The following ROBO2 variants were observed in gnomAD, a reference collection of about 807,000 sequenced individuals.
ROBO2 encodes roundabout guidance receptor 2.
Under a neutral mutation model 160.8 loss-of-function variants are expected in ROBO2, and 53 were observed. That is an observed-to-expected ratio of 0.33 (90% CI 0.26 to 0.41). ROBO2 has a LOEUF of 0.41. Ranked by LOEUF, ROBO2 falls within the 10% of genes least tolerant of loss-of-function variation. ROBO2 has a pLI of 1.00. For missense variants in ROBO2, 1,577 were observed against 1,722.4 expected, an observed-to-expected ratio of 0.92 and a Z score of 1.49; for synonymous variants, 664 against 611.7, an observed-to-expected ratio of 1.09 and a Z score of -1.26.
intron 2 of ROBO2, among the ~76,000 whole-genome samples, chr3:77,346,417 C>A (rs780238365): frequency 2.0e-5 from 3 of 152,118 alleles, no homozygotes; most frequent in Admixed American, 6.6e-5. Flanking sequence ...TCTACTCTTA[C>A]AACTATTTTA....
chr3:76,729,872 A>G (rs1405226954), intron 2 of ROBO2, among the ~76,000 whole-genome samples: 2 of 152,074 alleles, frequency 1.3e-5, no homozygotes, highest in Non-Finnish European at 2.9e-5. Flanking sequence ...TCCTGACCTC[A>G]GGTGATCCAC....
In ROBO2 at chr3:76,319,749, C is replaced by CT. The variant is rs959996630; in HGVS notation, c.109+382157dup. Among the ~76,000 whole-genome samples, 355 of 142,538 alleles carry CT rather than the reference C, an allele frequency of 2.5e-3. 1 individual carries two copies. The highest frequency in any genetic ancestry group is 7.0e-3 in the African/African-American group (272 of 39,030). 93.5% of individuals were successfully genotyped at this position (142,538 alleles called of 152,430 possible). A position where few individuals can be genotyped will look rare whatever the true frequency, so the allele number is the denominator to read the frequency against. Reference sequence around the variant, plus strand: ...TATTTATATTTTTTTCCCATTTGTGCTTTTTTTTTTAATGAGAGAATGGCT... The same window carrying CT: ...TATTTATATTTTTTTCCCATTTGTGCTTTTTTTTTTTAATGAGAGAATGGCT... On this transcript the variant is annotated intron_variant, in intron 2 of 26. Transcript: ENST00000487694.
intron 2 of ROBO2, among the ~76,000 whole-genome samples, chr3:76,950,633 T>C (rs772506831): frequency 4.6e-5 from 7 of 152,144 alleles, no homozygotes; most frequent in African/African-American, 1.7e-4. Flanking sequence ...GGATCACACT[T>C]TGAGTAAAAA....
chr3:76,783,055 A>C (rs937409950), intron 2 of ROBO2, among the ~76,000 whole-genome samples: 2 of 150,306 alleles, frequency 1.3e-5, no homozygotes, highest in Non-Finnish European at 1.5e-5. Context: ...CATATGTTTT[A>C]CCTTTGTGAT....
intron 4 of ROBO2, among the ~76,000 whole-genome samples, chr3:77,485,288 T>C (rs2085211461): frequency 2.0e-5 from 3 of 152,122 alleles, no homozygotes; most frequent in Non-Finnish European, 4.4e-5. Flanking sequence ...AATTATACTT[T>C]AGTTAGGGAA....
rs375007771 is a variant in ROBO2, at chr3:77,380,538, GA to G, written c.389-96875del. ...TCAATGAGTAACAATTAAAAGACGG[GA>G]TTTTTTTTAGAATTCAAAAATTAAT... On this transcript the variant is annotated intron_variant, in intron 2 of 25. Transcript: ENST00000461745. Among the ~76,000 whole-genome samples, 544 of 152,220 alleles carry G rather than the reference GA, an allele frequency of 3.6e-3. 2 individuals are homozygous for G. The highest frequency in any genetic ancestry group is 6.0e-3 in the Non-Finnish European group (408 of 68,010).
chr3:76,621,362 G>C (rs2089066353), intron 2 of ROBO2, among the ~76,000 whole-genome samples: 1 of 152,178 alleles, frequency 6.6e-6, no homozygotes, highest in Admixed American at 6.5e-5. Context: ...TATACATTCA[G>C]TGCATAACTG....
chr3:77,559,342 A>G (rs1017849713), intron 9 of ROBO2, among the ~76,000 whole-genome samples: 1 of 152,124 alleles, frequency 6.6e-6, no homozygotes, highest in Non-Finnish European at 1.5e-5. Flanking sequence ...CTATCAGTAC[A>G]TTCAACTCAT....
intron 2 of ROBO2, among the ~76,000 whole-genome samples, chr3:77,202,151 C>T (rs112047533): frequency 1.3e-5 from 2 of 152,044 alleles, no homozygotes; most frequent in Admixed American, 6.5e-5. Context: ...ATAGTATCAA[C>T]GATCAGAGGG....
chr3:76,806,358 G>A (rs1396392653), intron 2 of ROBO2, among the ~76,000 whole-genome samples: 1 of 151,742 alleles, frequency 6.6e-6, no homozygotes, highest in Non-Finnish European at 1.5e-5. Flanking sequence ...TTATTGCACT[G>A]TTACTCAAAA....
At chr3:75,937,245 A>T (rs534809454) in intron 1 of ROBO2, among the ~76,000 whole-genome samples, 38 of 152,256 alleles carry the variant, frequency 2.5e-4, no homozygotes, top group Middle Eastern at 3.4e-3. Flanking sequence ...TTGGAAAATG[A>T]TATTAAAAAT....
chr3:77,585,830 CTTCTT>C (rs1234956016), intron 16 of ROBO2, among the ~76,000 whole-genome samples: 1 of 152,070 alleles, frequency 6.6e-6, no homozygotes, highest in Non-Finnish European at 1.5e-5. Flanking sequence ...GATGGCTAAT[CTTCTT>C]TTCTGTTTCA....
At chr3:76,397,609 A>G (rs1457190347) in intron 2 of ROBO2, among the ~76,000 whole-genome samples, 1 of 151,734 alleles carries the variant, frequency 6.6e-6, no homozygotes, top group Non-Finnish European at 1.5e-5. Context: ...ATCTACAATG[A>G]ACTCAAACAA....
intron 2 of ROBO2, among the ~76,000 whole-genome samples, chr3:76,457,379 C>A (rs920280840): frequency 6.6e-6 from 1 of 152,216 alleles, no homozygotes; most frequent in Non-Finnish European, 1.5e-5. Flanking sequence ...CCAAAAGGAT[C>A]TCTTTTGACT....
At chr3:76,412,176 C>G (rs1367810603) in intron 2 of ROBO2, among the ~76,000 whole-genome samples, 1 of 152,120 alleles carries the variant, frequency 6.6e-6, no homozygotes, top group Non-Finnish European at 1.5e-5. Flanking sequence ...GATTTATTGA[C>G]TATCACCAGA....
intron 2 of ROBO2, among the ~76,000 whole-genome samples, chr3:77,223,123 G>C (rs1475795109): frequency 6.6e-6 from 1 of 152,102 alleles, no homozygotes; most frequent in African/African-American, 2.4e-5. Flanking sequence ...TTAAAGTTTA[G>C]CTGAAATCTA....
chr3:75,986,453 T>C (rs1450323179), intron 2 of ROBO2, among the ~76,000 whole-genome samples: 5 of 151,620 alleles, frequency 3.3e-5, no homozygotes, highest in Non-Finnish European at 1.5e-5. Flanking sequence ...TCTCAGTCCC[T>C]TGTCAAACAT....
At chr3:76,531,236 T>C (rs1214770298) in intron 2 of ROBO2, among the ~76,000 whole-genome samples, 1 of 152,192 alleles carries the variant, frequency 6.6e-6, no homozygotes, top group Non-Finnish European at 1.5e-5. Context: ...TGAAAACCAC[T>C]ATTTTCACCA....
intron 2 of ROBO2, among the ~76,000 whole-genome samples, chr3:76,579,737 A>G (rs1276972820): frequency 8.0e-5 from 12 of 150,664 alleles, no homozygotes; most frequent in Non-Finnish European, 1.5e-4. Flanking sequence ...AAAATAGGAC[A>G]TGAGTTTTTA....
Sources: gnomAD v4.1 joint callset for allele counts (sites outside exome capture counted in the v4.1 genomes callset) on GRCh38, gnomAD v4.1.1 for gene constraint, MANE v1.5 for transcripts, NCBI Gene and HGNC (gene_info 2026-07-23, HGNC 2026-07-21) for gene names.